The following PALM2AKAP2 variants were observed in gnomAD, a reference collection of about 807,000 sequenced individuals.
The protein encoded by PALM2AKAP2 is PALM2-AKAP2 fusion protein.
In PALM2AKAP2, 37 loss-of-function variants were observed where a neutral mutation model predicts 71.5. That is an observed-to-expected ratio of 0.52 (90% CI 0.40 to 0.68). PALM2AKAP2 has a LOEUF of 0.68. Ranked by LOEUF, PALM2AKAP2 falls within the 30% of genes least tolerant of loss-of-function variation. The pLI is 0.00. For missense variants in PALM2AKAP2, 1,224 were observed against 1,191.8 expected, an observed-to-expected ratio of 1.03 and a Z score of -0.40; for synonymous variants, 468 against 478.8, an observed-to-expected ratio of 0.98 and a Z score of 0.29.
At chr9:109,760,698 C>A (rs1276285356) in intron 1 of PALM2AKAP2, 1 of 152,124 alleles carries the variant, frequency 6.6e-6, no homozygotes, top group Non-Finnish European at 1.5e-5. Context: ...CATTGTAAAC[C>A]CAGAAACTAG....
chr9:110,098,879 T>C (rs966311713), intron 1 of PALM2AKAP2, among the ~76,000 whole-genome samples: 12 of 152,192 alleles, frequency 7.9e-5, no homozygotes, highest in Non-Finnish European at 1.8e-4. Context: ...AAATAACCTA[T>C]ATAAATTCAC....
chr9:109,661,383 AC>A (rs1403255761), intron 1 of PALM2AKAP2, among the ~76,000 whole-genome samples: 4 of 152,052 alleles, frequency 2.6e-5, no homozygotes, highest in Admixed American at 2.6e-4. Flanking sequence ...TATACATTTG[AC>A]TAGCCAGTTT....
intron 1 of PALM2AKAP2, among the ~76,000 whole-genome samples, chr9:109,806,156 A>G (rs773356724): frequency 9.2e-5 from 14 of 152,230 alleles, no homozygotes; most frequent in Non-Finnish European, 1.6e-4. Context: ...CTTATGTAAA[A>G]GGTGGTATAA....
rs115237841 is a variant in PALM2AKAP2 at position 109,736,458 on chromosome 9, C to T, written c.6-44030C>T. Among the ~76,000 whole-genome samples the T allele has an allele frequency of 2.0e-3, 298 of 152,190 alleles. 2 individuals carry two copies. The highest frequency in any genetic ancestry group is 6.9e-3 in the African/African-American group (285 of 41,530). On this transcript the variant is annotated intron_variant, in intron 1 of 6. Transcript: ENST00000374531. ...CACCACTCAGTCACTATTGGCCAAACAATAGTCTAAGCAAGATTAGTTATT... is the reference window on the plus strand; with the variant it reads ...CACCACTCAGTCACTATTGGCCAAATAATAGTCTAAGCAAGATTAGTTATT...
intron 6 of PALM2AKAP2, among the ~76,000 whole-genome samples, chr9:110,015,503 G>A (rs1295312542): frequency 6.6e-6 from 1 of 152,140 alleles, no homozygotes; most frequent in Non-Finnish European, 1.5e-5. Flanking sequence ...AGTTACTTGG[G>A]AGGCTGAGGC....
intron 7 of PALM2AKAP2, chr9:110,025,427 T>G: frequency 1.4e-6 from 1 of 691,786 alleles, no homozygotes. Flanking sequence ...CTTCACAAGT[T>G]GATGGATTTT....
chr9:110,123,232 G>C (rs900574424), intron 1 of PALM2AKAP2, among the ~76,000 whole-genome samples: 2 of 152,162 alleles, frequency 1.3e-5, no homozygotes, highest in African/African-American at 4.8e-5. Context: ...ACACATTGGT[G>C]GGGGGAGGCT....
intron 3 of PALM2AKAP2, among the ~76,000 whole-genome samples, chr9:109,881,377 G>T (rs953536212): frequency 9.9e-5 from 15 of 152,156 alleles, no homozygotes; most frequent in African/African-American, 3.6e-4. Flanking sequence ...CCTCCTTCGG[G>T]TCAGGTTGTT....
chr9:109,756,918 G>A (rs976863874), intron 1 of PALM2AKAP2, among the ~76,000 whole-genome samples: 2 of 152,052 alleles, frequency 1.3e-5, no homozygotes, highest in African/African-American at 4.8e-5. Context: ...GATCAAATCT[G>A]GGTATTTAAG....
chr9:109,691,867 T>TATATACAC (rs1320319516), intron 1 of PALM2AKAP2, among the ~76,000 whole-genome samples: 1 of 51,478 alleles, frequency 1.9e-5, no homozygotes, highest in South Asian at 6.8e-4. Context: ...TATATATATA[T>TATATACAC]ACACACACAC....
chr9:110,148,234 T>G (rs1197611400), intron 2 of PALM2AKAP2, among the ~76,000 whole-genome samples: 1 of 152,106 alleles, frequency 6.6e-6, no homozygotes, highest in African/African-American at 2.4e-5. Context: ...AAGAGCAGAG[T>G]TCTTTCTTTC....
chr9:110,171,193 C>G (rs1836851463), exon 4 of PALM2AKAP2: 1 of 152,258 alleles, frequency 6.6e-6, no homozygotes, highest in Admixed American at 6.5e-5. Context: ...AGAGGCCACA[C>G]TATTCGCGGA....
chr9:109,783,345 T>C (rs1218568656), intron 1 of PALM2AKAP2, among the ~76,000 whole-genome samples: 2 of 150,668 alleles, frequency 1.3e-5, no homozygotes, highest in Non-Finnish European at 3.0e-5. Context: ...TTAGACAGAG[T>C]CTCACTCTGT....
chr9:109,689,208 T>C (rs199862041), intron 1 of PALM2AKAP2, among the ~76,000 whole-genome samples: 23,445 of 147,912 alleles, frequency 0.16, 1,961 homozygotes, highest in East Asian at 0.28. Context: ...TTCTTTTTTT[T>C]TTTTTTTTTT....
At chr9:110,088,178 A>AT (rs5899876) in intron 1 of PALM2AKAP2, among the ~76,000 whole-genome samples, 43,298 of 152,028 alleles carry the variant, frequency 0.28, 8,089 homozygotes, top group African/African-American at 0.53. Context: ...GGGACTGGTT[A>AT]CAGAATTGTC....
intron 1 of PALM2AKAP2, among the ~76,000 whole-genome samples, chr9:109,646,155 G>T (rs1827150423): frequency 6.6e-6 from 1 of 152,170 alleles, no homozygotes; most frequent in Non-Finnish European, 1.5e-5. Context: ...TAGGGTTGGT[G>T]TCATGTTCTG....
At chr9:109,886,653 G>C (rs1298420347) in intron 3 of PALM2AKAP2, among the ~76,000 whole-genome samples, 1 of 152,176 alleles carries the variant, frequency 6.6e-6, no homozygotes, top group African/African-American at 2.4e-5. Flanking sequence ...TTCAGTCTCA[G>C]TTTCCTCATA....
chr9:109,813,308 T>C (rs1827770464), intron 1 of PALM2AKAP2, among the ~76,000 whole-genome samples: 1 of 152,222 alleles, frequency 6.6e-6, no homozygotes, highest in South Asian at 2.1e-4. Context: ...ATTTCTCAGC[T>C]TGCCCTAATG....
chr9:109,805,284 C>T (rs1024256012), intron 1 of PALM2AKAP2, among the ~76,000 whole-genome samples: 26 of 152,336 alleles, frequency 1.7e-4, no homozygotes, highest in African/African-American at 5.8e-4. Context: ...GAATCACTCC[C>T]ATCTGCAGAC....
Sources: allele counts gnomAD v4.1 joint callset (sites outside exome capture counted in the v4.1 genomes callset), GRCh38; gene constraint gnomAD v4.1.1; transcripts MANE v1.5; gene names NCBI Gene and HGNC (gene_info 2026-07-23, HGNC 2026-07-21).